The following YY1AP1 variants were observed in gnomAD, a reference collection of about 807,000 sequenced individuals.
YY1AP1 encodes the protein YY1-associated protein 1.
In YY1AP1, 43 loss-of-function variants were observed where a neutral mutation model predicts 39.9. The observed-to-expected ratio is 1.08, with a 90% CI of 0.84 to 1.39. The LOEUF is 1.39. Ranked by LOEUF, YY1AP1 falls within the 40% of genes most tolerant of loss-of-function variation. The pLI is 0.00. For missense variants in YY1AP1, 813 were observed against 900.7 expected (o/e 0.90, Z 1.25); for synonymous variants, 292 against 331.3 (o/e 0.88, Z 1.29).
chr1:155,661,493 T>C, intron 9 of YY1AP1, 70 bp from the exon 10 acceptor site: 6 of 1,606,184 alleles, frequency 3.7e-6, no homozygotes, highest in Non-Finnish European at 5.1e-6. Context: ...GGCTGGTGAA[T>C]GGGGTGGTGG....
Position 155,661,373 on chromosome 1 carries a change from C to T in YY1AP1, c.930G>A (p.Glu310=). 1 of 1,613,878 alleles carries T rather than the reference C, an allele frequency of 6.2e-7. No homozygotes were observed. The highest frequency in any genetic ancestry group is 8.5e-7 in the Non-Finnish European group (1 of 1,179,798). ...QLPVLGKCCE[E]IQPHQWKPPI... ...GTGGCTTCCACTGATGTGGCTGGAT[C>T]TCTTCACAGCATTTTCCTAGGACTG... The change falls in exon 10 of 11, where the codon GAG becomes GAA. Residue 310 remains glutamate (E), a synonymous_variant. Transcript: ENST00000355499.
intron 2 of YY1AP1, among the ~76,000 whole-genome samples, chr1:155,683,417 G>C (rs1271069598): frequency 6.6e-6 from 1 of 152,158 alleles, no homozygotes; most frequent in African/African-American, 2.4e-5. Context: ...GGGAGGCTGA[G>C]GCAGGTGGAT....
At position 155,688,347 on chromosome 1, in the gene YY1AP1, G is replaced by A. The variant is rs1006515757; in HGVS notation, c.-151-146C>T. 4.5e-6 allele frequency: 7 copies of A among 1,548,788 alleles called. No individual in the cohort carries two copies. The African/African-American group carries it at 8.2e-5, about 18-fold the overall frequency. On this transcript the variant is annotated intron_variant, in intron 1 of 10. Coordinates refer to ENST00000355499, the MANE Select transcript of YY1AP1 (RefSeq NM_139119.3). ...CGGCGGCAGCGGCGGCAGCAGAGTG[G>A]CCGCGGCAGCTCCTCCAGAGGGAGG...
At chr1:155,680,337 C>T in intron 3 of YY1AP1, 79 bp downstream of exon 3, 1 of 1,505,426 alleles carries the variant, frequency 6.6e-7, no homozygotes, top group Non-Finnish European at 9.2e-7. Context: ...CTAGAAGGAG[C>T]ATCACAGAGA....
At chr1:155,673,098 A>G (rs1032418694) in intron 6 of YY1AP1, among the ~76,000 whole-genome samples, 1 of 152,144 alleles carries the variant, frequency 6.6e-6, no homozygotes, top group African/African-American at 2.4e-5. Context: ...AGCTCACTGC[A>G]AACTCCCCCT....
At chr1:155,679,541 C>T in intron 3 of YY1AP1, 29 bp from the exon 4 acceptor site, 4 of 1,613,956 alleles carry the variant, frequency 2.5e-6, no homozygotes, top group Non-Finnish European at 3.4e-6. Flanking sequence ...GAGGGTTTTC[C>T]TGGGGAATGG....
rs371819041 is a variant in YY1AP1, at chr1:155,670,306, G to C, written c.728+14C>G. 2.5e-6 allele frequency: 4 copies of C among 1,611,778 alleles called. No individual in the cohort carries two copies. The African/African-American group carries it at 4.0e-5, about 16-fold the overall frequency. On this transcript the variant is annotated intron_variant, in intron 8 of 10. Coordinates refer to ENST00000355499, the MANE Select transcript of YY1AP1 (RefSeq NM_139119.3). ...TCTCCTTGGGATATTTGATCCCCCA[G>C]AGTAAACACTTACTTGTCCTCAGCC...
At chr1:155,668,579 GAT>G in intron 9 of YY1AP1, 46 bp downstream of exon 9, 1 of 1,613,608 alleles carries the variant, frequency 6.2e-7, no homozygotes, top group Non-Finnish European at 8.5e-7. Flanking sequence ...GAAAAGAACA[GAT>G]ATGTGTTGGT....
Position 155,677,762 on chromosome 1 carries a change from C to T in YY1AP1, c.126-1016G>A, listed in dbSNP as rs181507865. Among the ~76,000 whole-genome samples the T allele has an allele frequency of 1.9e-4, 29 of 152,202 alleles. No individual in the cohort carries two copies. In the East Asian group the frequency reaches 5.0e-3, roughly 26 times the overall value. The stretch of plus-strand genomic sequence containing the variant: ...TGAGAACTGAAAATTTGAACATCCG[C>T]GCTACCACCACTGAAGGAACAGAAG... On this transcript the variant is annotated intron_variant, in intron 4 of 10. Coordinates refer to ENST00000355499, the MANE Select transcript of YY1AP1 (RefSeq NM_139119.3).
At chr1:155,664,344 C>T (rs1648631013) in intron 9 of YY1AP1, among the ~76,000 whole-genome samples, 1 of 152,084 alleles carries the variant, frequency 6.6e-6, no homozygotes, top group African/African-American at 2.4e-5. Flanking sequence ...CCCATGTACC[C>T]TTCAACCAGT....
chr1:155,688,475 C>G, intron 1 of YY1AP1, 184 bp downstream of exon 1: 1 of 1,549,772 alleles, frequency 6.5e-7, no homozygotes, highest in East Asian at 2.4e-5. Context: ...GTAGCGCGCA[C>G]GTCAGCCCGC....
At chr1:155,668,883 A>G in intron 8 of YY1AP1, 106 bp from the exon 9 acceptor site, 1 of 1,530,452 alleles carries the variant, frequency 6.5e-7, no homozygotes, top group Non-Finnish European at 8.9e-7. Context: ...CTTGTTCTTA[A>G]AACAAGGTCT....
In YY1AP1 at chr1:155,660,044, A is replaced by G. The variant is rs1466848264; in HGVS notation, c.1866T>C (p.Ser622=). 6.2e-7 allele frequency: 1 copy of G among 1,614,112 alleles called. No homozygotes were observed. Among genetic ancestry groups the G allele is most frequent in the Non-Finnish European group, 8.5e-7 (1 of 1,180,056 alleles). The change falls in exon 11 of 11, where the codon TCT becomes TCC. Residue 622 remains serine (S), a synonymous_variant. Transcript: ENST00000355499. ...GGGTGGATGGTATAGGAAGATTCAC[A>G]GAATTGCCAGAAACAATTAAGGGTG... The part of the protein sequence containing the change: ...SVSPLIVSGN[S]VNLPIPSTPE...
chr1:155,676,858 C>T lies in YY1AP1; in HGVS notation c.126-112G>A, dbSNP rs574167566. On this transcript the variant is annotated intron_variant, in intron 4 of 10. Transcript: ENST00000355499. ...AACAATTTTCATTCCCTACTAATCC[C>T]CCCTTTTCACTTTAGCCAACAGTCA... is the stretch of plus-strand genomic sequence containing the variant. 151 of 1,052,628 alleles carry T rather than the reference C, an allele frequency of 1.4e-4. No homozygotes were observed. The Middle Eastern group carries it at 2.3e-3, about 16-fold the overall frequency. The allele number at this position is 1,052,628 out of a possible 1,614,324, so 65.2% of individuals were successfully genotyped here. A position where few individuals can be genotyped will look rare whatever the true frequency, so the allele number is the denominator to read the frequency against.
In YY1AP1 at chr1:155,660,067, G is replaced by T. The variant is rs1647806305; in HGVS notation, c.1843C>A (p.Pro615Thr). 1 of 1,614,118 alleles carries T rather than the reference G, an allele frequency of 6.2e-7. No individual in the cohort carries two copies. Among genetic ancestry groups the T allele is most frequent in the Non-Finnish European group, 8.5e-7 (1 of 1,180,062 alleles). ...NQPLVASSVS[P>T]LIVSGNSVNL... ...ACAGAATTGCCAGAAACAATTAAGG[G>T]TGAGACAGAGGAGGCCACAAGGGGC... The change falls in exon 11 of 11, where the codon CCC becomes ACC. Residue 615 changes from proline (P) to threonine (T), a missense_variant. By Grantham distance (38) the Pro-to-Thr change is conservative. This residue lies in a region of YY1AP1 where 586 missense variants were observed against 647.4 expected (regional missense o/e 0.91). Transcript: ENST00000355499.
chr1:155,660,160 T>C lies in YY1AP1; in HGVS notation c.1750A>G (p.Ser584Gly), dbSNP rs1467688854. ...GTGGCGATGGGAATAGTCTGGGGAC[T>C]CTGGGCCACAGCCGCATTGACAGGC... is the stretch of plus-strand genomic sequence containing the variant. ...IQPVNAAVAQ[S>G]PQTIPIATLL... Residue 584 changes from serine (S) to glycine (G), a missense_variant, in exon 11 of 11, where the codon AGT becomes GGT. Around this residue, in one of 3 missense-constraint regions of YY1AP1, gnomAD observed 586 missense variants for 647.4 expected, o/e 0.91. Coordinates refer to ENST00000355499, the MANE Select transcript of YY1AP1 (RefSeq NM_139119.3). 1.9e-6 allele frequency: 3 copies of C among 1,614,190 alleles called. No individual in the cohort carries two copies. Among genetic ancestry groups the C allele is most frequent in the Non-Finnish European group, 2.5e-6 (3 of 1,180,022 alleles).
intron 2 of YY1AP1, among the ~76,000 whole-genome samples, chr1:155,681,981 G>A (rs187799603): frequency 4.2e-4 from 63 of 151,596 alleles, no homozygotes; most frequent in Admixed American, 6.6e-4. Flanking sequence ...CACCCCACCT[G>A]GCAAGATCTT....
intron 2 of YY1AP1, among the ~76,000 whole-genome samples, chr1:155,684,453 A>T (rs1651939925): frequency 6.6e-6 from 1 of 152,188 alleles, no homozygotes; most frequent in African/African-American, 2.4e-5. Flanking sequence ...TAGCATTCTT[A>T]TACAGGGGCC....
Position 155,676,666 on chromosome 1 carries a change from TTCTTCA to T in YY1AP1, c.200_205del (p.Met67_Lys68del), listed in dbSNP as rs1650743063. On this transcript the variant is annotated inframe_deletion, in exon 5 of 11. Coordinates refer to ENST00000355499, the MANE Select transcript of YY1AP1 (RefSeq NM_139119.3). Reference sequence around the variant, plus strand: ...CTCCTTCTGCTGTTTGGCTGAAGGTTTCTTCATCTTCAGCTGTTCAAATAGTTCCTT... The same window carrying T: ...CTCCTTCTGCTGTTTGGCTGAAGGTTTCTTCAGCTGTTCAAATAGTTCCTT... The T allele has an allele frequency of 1.9e-6, 3 of 1,614,148 alleles. No individual in the cohort carries two copies. Among genetic ancestry groups the T allele is most frequent in the Middle Eastern group, 1.6e-4 (1 of 6,062 alleles).
Sources: gnomAD v4.1 joint callset for allele counts (sites outside exome capture counted in the v4.1 genomes callset) on GRCh38, gnomAD v4.1.1 for gene constraint, gnomAD v4.1.1 regional missense constraint, MANE v1.5 for transcripts, NCBI Gene and HGNC (gene_info 2026-07-23, HGNC 2026-07-21) for gene names.